The following PRDM16 variants were observed in gnomAD, a reference collection of about 807,000 sequenced individuals.
The protein encoded by PRDM16 is PR/SET domain 16.
PRDM16 carries 23 observed loss-of-function variants against 110.6 expected under a neutral mutation model. The ratio of observed to expected loss-of-function variants is 0.21; its 90% CI spans 0.15 to 0.29. The LOEUF is 0.29. Among genes scored for constraint, PRDM16 ranks in the 10% least tolerant of loss-of-function variants. PRDM16 has a pLI of 1.00. For missense variants in PRDM16, 1,615 were observed against 1,794.3 expected (o/e 0.90, Z 1.81); for synonymous variants, 799 against 781.8 (o/e 1.02, Z -0.37).
At chr1:3,241,940 G>T (rs1215972936) in intron 2 of PRDM16, among the ~76,000 whole-genome samples, 2 of 152,214 alleles carry the variant, frequency 1.3e-5, no homozygotes, top group African/African-American at 4.8e-5. Context: ...AGCCCCCTCC[G>T]AATGTGAGGT....
intron 1 of PRDM16, chr1:3,133,118 C>G (rs1643367993): frequency 6.6e-6 from 1 of 152,262 alleles, no homozygotes; most frequent in African/African-American, 2.4e-5. Context: ...CCCGCACCCT[C>G]CAGGACAAAG....
chr1:3,235,701 T>C (rs965035643), intron 2 of PRDM16, among the ~76,000 whole-genome samples: 10 of 151,910 alleles, frequency 6.6e-5, no homozygotes, highest in Non-Finnish European at 1.3e-4. Flanking sequence ...CCGCCTGACA[T>C]GGGGGAAAGA....
intron 3 of PRDM16, among the ~76,000 whole-genome samples, chr1:3,274,985 TGTG>T (rs1640549808): frequency 6.6e-6 from 1 of 152,120 alleles, no homozygotes; most frequent in Non-Finnish European, 1.5e-5. Flanking sequence ...AGAAGGGTGT[TGTG>T]AATGCTTGCC....
chr1:3,395,981 A>C (rs1256820118), intron 4 of PRDM16, among the ~76,000 whole-genome samples: 3 of 152,182 alleles, frequency 2.0e-5, no homozygotes, highest in Non-Finnish European at 4.4e-5. Context: ...TTCCTGGCTC[A>C]TGGCATCCCC....
chr1:3,407,219 CCT>C (rs972735901), intron 8 of PRDM16, among the ~76,000 whole-genome samples: 1 of 152,232 alleles, frequency 6.6e-6, no homozygotes, highest in African/African-American at 2.4e-5. Flanking sequence ...CAGCCGGGCC[CCT>C]GTCAGCACCT....
chr1:3,170,703 C>T (rs930494042), intron 1 of PRDM16, among the ~76,000 whole-genome samples: 1 of 152,272 alleles, frequency 6.6e-6, no homozygotes, highest in South Asian at 2.1e-4. Flanking sequence ...CCCGGGGGAG[C>T]AGGGGAAGGG....
At chr1:3,322,124 ATGTG>A (rs1000573960) in intron 3 of PRDM16, among the ~76,000 whole-genome samples, 115 of 149,028 alleles carry the variant, frequency 7.7e-4, no homozygotes, top group African/African-American at 2.7e-3. Flanking sequence ...GATATGCACA[ATGTG>A]TGGGTGAACA....
intron 1 of PRDM16, among the ~76,000 whole-genome samples, chr1:3,101,980 A>G (rs906174305): frequency 1.3e-5 from 2 of 152,168 alleles, no homozygotes; most frequent in Admixed American, 1.3e-4. Context: ...GAGAGTTCAC[A>G]CGGGTGGTTT....
chr1:3,277,238 C>G (rs926366510), intron 3 of PRDM16, among the ~76,000 whole-genome samples: 8 of 152,228 alleles, frequency 5.3e-5, no homozygotes, highest in African/African-American at 1.7e-4. Flanking sequence ...CCATGCCTCT[C>G]TGTGCACGGC....
intron 1 of PRDM16, among the ~76,000 whole-genome samples, chr1:3,166,690 G>C (rs1643960641): frequency 6.6e-6 from 1 of 152,196 alleles, no homozygotes; most frequent in Admixed American, 6.5e-5. Flanking sequence ...CATCACCCAG[G>C]GATGACGGCT....
At chr1:3,300,500 G>C (rs1641185033) in intron 3 of PRDM16, among the ~76,000 whole-genome samples, 1 of 151,960 alleles carries the variant, frequency 6.6e-6, no homozygotes, top group African/African-American at 2.4e-5. Flanking sequence ...TGCCCTGGTT[G>C]AAGATGATGT....
At chr1:3,325,726 T>C (rs997605879) in intron 3 of PRDM16, among the ~76,000 whole-genome samples, 1 of 152,242 alleles carries the variant, frequency 6.6e-6, no homozygotes, top group African/African-American at 2.4e-5. Flanking sequence ...CTGGTGTTGC[T>C]GGCCATCCTT....
At chr1:3,368,708 A>G (rs1049313915) in intron 3 of PRDM16, among the ~76,000 whole-genome samples, 1 of 152,194 alleles carries the variant, frequency 6.6e-6, no homozygotes, top group Non-Finnish European at 1.5e-5. Context: ...TTCTTTTCCC[A>G]TGAGTTTTTA....
intron 1 of PRDM16, among the ~76,000 whole-genome samples, chr1:3,159,370 C>T (rs1273730972): frequency 6.6e-6 from 1 of 152,232 alleles, no homozygotes; most frequent in Non-Finnish European, 1.5e-5. Context: ...AGGTGGGAGG[C>T]CCAAAGACAC....
In PRDM16 at chr1:3,144,665, G is replaced by A. The variant is rs566604811; in HGVS notation, c.38-41460G>A. Among the ~76,000 whole-genome samples the A allele has an allele frequency of 4.7e-4, 72 of 152,330 alleles. No homozygotes were observed. In the Middle Eastern group the frequency reaches 0.01, roughly 22 times the overall value. The stretch of plus-strand genomic sequence containing the variant: ...CGCGTTCAGGAGAGGAAACCAAGGC[G>A]TGGGGGCTTTGCACCATTGCTTAGG... On this transcript the variant is annotated intron_variant, in intron 1 of 16. Transcript: ENST00000270722.
rs1436405069 is a variant in PRDM16 at position 3,181,682 on chromosome 1, T to C, written c.38-4443T>C. 5.4e-5 allele frequency among the ~76,000 whole-genome samples: 6 copies of C among 110,446 alleles called. No individual in the cohort carries two copies. In the East Asian group the frequency reaches 1.4e-3, roughly 25 times the overall value. 72.5% of individuals were successfully genotyped at this position (110,446 alleles called of 152,430 possible). On this transcript the variant is annotated intron_variant, in intron 1 of 16. Transcript: ENST00000270722. ...GTCTTACACAGTCTTACACGCGCAGTCTTACACACGGTCTTACACACGGTC... is the reference window on the plus strand; with the variant it reads ...GTCTTACACAGTCTTACACGCGCAGCCTTACACACGGTCTTACACACGGTC...
At chr1:3,428,998 C>T (rs900000766) in intron 14 of PRDM16, among the ~76,000 whole-genome samples, 1 of 152,198 alleles carries the variant, frequency 6.6e-6, no homozygotes, top group African/African-American at 2.4e-5. Flanking sequence ...CTAAGAGGGA[C>T]AAAGGTCACC....
chr1:3,366,927 G>T (rs1409077739), intron 3 of PRDM16, among the ~76,000 whole-genome samples: 1 of 152,170 alleles, frequency 6.6e-6, no homozygotes, highest in African/African-American at 2.4e-5. Context: ...GCACGTGCGT[G>T]TTTTGTTTTG....
chr1:3,072,753 T>A (rs1402181992), intron 1 of PRDM16, among the ~76,000 whole-genome samples: 1 of 152,096 alleles, frequency 6.6e-6, no homozygotes, highest in Non-Finnish European at 1.5e-5. Flanking sequence ...CGCCAGGACG[T>A]CCGGCGGGAA....
Sources: allele counts gnomAD v4.1 joint callset (sites outside exome capture counted in the v4.1 genomes callset), GRCh38; gene constraint gnomAD v4.1.1; transcripts MANE v1.5; gene names NCBI Gene and HGNC (gene_info 2026-07-23, HGNC 2026-07-21).